The following SPNS2 variants were observed in gnomAD, a reference collection of about 807,000 sequenced individuals.
The protein encoded by SPNS2 is sphingosine-1-phosphate transporter SPNS2.
In SPNS2, 37 loss-of-function variants were observed where a neutral mutation model predicts 57.6. The ratio of observed to expected loss-of-function variants is 0.64; its 90% confidence interval spans 0.49 to 0.85. SPNS2 has a LOEUF of 0.85. Among genes scored for constraint, SPNS2 ranks in the 40% least tolerant of loss-of-function variants. The pLI is 0.00. For synonymous variants in SPNS2, 440 were observed against 346.9 expected, an observed-to-expected ratio of 1.27 and a Z score of -2.98; for missense variants, 831 against 779.1, an observed-to-expected ratio of 1.07 and a Z score of -0.79.
At position 4,536,435 on chromosome 17, in the gene SPNS2, GGGGGAGGGGAGGCCCTGCTGCACCGCC is replaced by G; in HGVS notation, c.1607+13_1607+39del. ...GCCAGGGCTGAGCAGCAGTGAGTGG[GGGGGAGGGGAGGCCCTGCTGCACCGCC>G]GGGAAGCAGGGACCGTGATAGCCAC... On this transcript the variant is annotated intron_variant, in intron 11 of 12. Coordinates refer to ENST00000329078, the MANE Select transcript of SPNS2 (RefSeq NM_001124758.3). 8.2e-6 allele frequency: 13 copies of G among 1,592,040 alleles called. No individual in the cohort carries two copies. Among genetic ancestry groups the G allele is most frequent in the Non-Finnish European group, 1.1e-5 (13 of 1,174,954 alleles).
chr17:4,537,012 AG>A, intron 12 of SPNS2, 66 bp downstream of exon 12: 3 of 1,563,700 alleles, frequency 1.9e-6, no homozygotes, highest in Non-Finnish European at 2.6e-6. Context: ...GTTAGGCAAC[AG>A]GGAGCACTTT....
At chr17:4,536,981 T>G in intron 12 of SPNS2, 35 bp downstream of exon 12, 1 of 1,609,270 alleles carries the variant, frequency 6.2e-7, no homozygotes, top group Non-Finnish European at 8.5e-7. Context: ...GGGGGCTCCC[T>G]AAGGAAAGGG....
At chr17:4,524,933 C>T in intron 2 of SPNS2, 124 bp from the exon 3 acceptor site, 2 of 1,412,480 alleles carry the variant, frequency 1.4e-6, no homozygotes, top group South Asian at 2.8e-5. Context: ...CCGAGGTTTC[C>T]TCTCTGGGCT....
intron 3 of SPNS2, among the ~76,000 whole-genome samples, chr17:4,528,251 GACCTCAGGTGATCCTACCGCCTCA>G (rs1255353832): frequency 6.6e-6 from 1 of 152,076 alleles, no homozygotes; most frequent in Non-Finnish European, 1.5e-5. Context: ...TGGAACTCCT[GACCTCAGGTGATCCTACCGCCTCA>G]GCCTCCTAAA....
At chr17:4,529,291 G>A (rs939816070) in intron 3 of SPNS2, among the ~76,000 whole-genome samples, 22 of 151,488 alleles carry the variant, frequency 1.5e-4, no homozygotes, top group Admixed American at 3.3e-4. Context: ...TGTTACCCAG[G>A]CTGGTCTCGA....
intron 2 of SPNS2, among the ~76,000 whole-genome samples, chr17:4,520,887 A>T (rs1193339997): frequency 6.6e-6 from 1 of 152,214 alleles, no homozygotes; most frequent in African/African-American, 2.4e-5. Flanking sequence ...TCAAGGCTGC[A>T]TGCTGGGCCT....
rs1904369612 is a variant in SPNS2, at chr17:4,499,110, G to C, written c.63G>C (p.Ala21=). The C allele has an allele frequency of 1.0e-5, 11 of 1,095,880 alleles. No individual in the cohort carries two copies. The highest frequency in any genetic ancestry group is 1.2e-5 in the Non-Finnish European group (11 of 901,832). The allele number at this position is 1,095,880 out of a possible 1,614,324, so 67.9% of individuals were successfully genotyped here. ...AGGAEEEEAD[A]ERRRRRRGAQ... ...GCGCGGAGGAGGAGGAGGCGGACGC[G>C]GAGCGGCGGCGCCGGCGCCGGGGGG... The change falls in exon 1 of 13, where the codon GCG becomes GCC. Residue 21 remains alanine, a synonymous_variant. Coordinates refer to ENST00000329078, the MANE Select transcript of SPNS2 (RefSeq NM_001124758.3). The surrounding 1 kb of genome is among the most constrained non-coding windows in gnomAD (Gnocchi z 5.2).
intron 2 of SPNS2, among the ~76,000 whole-genome samples, chr17:4,519,617 C>T (rs569571134): frequency 5.0e-3 from 3 of 598 alleles, no homozygotes; most frequent in Admixed American, 0.013. Context: ...ACACCCTCCA[C>T]AGGATGTCCC....
rs748036482 is a variant in SPNS2, at chr17:4,533,426, A to G, written c.1272A>G (p.Gly424=). 45 of 1,598,656 alleles carry G rather than the reference A, an allele frequency of 2.8e-5. No individual in the cohort carries two copies. In the South Asian group the frequency reaches 5.0e-4, roughly 18 times the overall value. ...IFVAAKSSIV[G]AYICIFVGET... Reference sequence around the variant, plus strand: ...TGGCTGCCAAGAGCAGCATCGTAGGAGCCTATGTGAGTGCAGCGGGGGTCA... The same window carrying G: ...TGGCTGCCAAGAGCAGCATCGTAGGGGCCTATGTGAGTGCAGCGGGGGTCA... The change falls in exon 8 of 13, where the codon GGA becomes GGG. Residue 424 remains glycine, a synonymous_variant. Transcript: ENST00000329078.
intron 1 of SPNS2, among the ~76,000 whole-genome samples, chr17:4,507,856 C>T (rs557145053): frequency 6.6e-6 from 1 of 152,364 alleles, no homozygotes; most frequent in Admixed American, 6.5e-5. Context: ...GCATTTGAGG[C>T]TGGCCTGAGC....
chr17:4,535,249 TGGG>T (rs932697273), intron 9 of SPNS2, among the ~76,000 whole-genome samples: 40 of 152,156 alleles, frequency 2.6e-4, no homozygotes, highest in African/African-American at 9.1e-4. Context: ...CTTGGTCTGA[TGGG>T]GGTCTGGGGC....
At position 4,536,690 on chromosome 17, in the gene SPNS2, CTCT is replaced by C. The variant is rs1332628162; in HGVS notation, c.1608-208_1608-206del. 6.3e-6 allele frequency: 4 copies of C among 633,288 alleles called. No homozygotes were observed. In the East Asian group the frequency reaches 1.1e-4, roughly 17 times the overall value. 39.2% of individuals were successfully genotyped at this position (633,288 alleles called of 1,614,324 possible). On this transcript the variant is annotated intron_variant, in intron 11 of 12. Coordinates refer to ENST00000329078, the MANE Select transcript of SPNS2 (RefSeq NM_001124758.3). ...TTCAAAGCTGGGGCCCCTCCCCTTC[CTCT>C]TACTTTCTGACTTCTTTCTCCTTTC...
intron 2 of SPNS2, among the ~76,000 whole-genome samples, chr17:4,524,721 A>G (rs1325545374): frequency 2.6e-5 from 4 of 152,182 alleles, no homozygotes; most frequent in African/African-American, 9.7e-5. Context: ...GATATGTGAG[A>G]TATGACATGG....
intron 1 of SPNS2, among the ~76,000 whole-genome samples, chr17:4,504,236 GA>G (rs1465321601): frequency 2.6e-5 from 4 of 152,350 alleles, no homozygotes; most frequent in African/African-American, 9.6e-5. Flanking sequence ...GCTGAGGTGT[GA>G]GGGGCAGGGC....
intron 1 of SPNS2, among the ~76,000 whole-genome samples, chr17:4,509,052 G>A (rs987199012): frequency 1.3e-5 from 2 of 152,216 alleles, no homozygotes; most frequent in Non-Finnish European, 2.9e-5. Context: ...AATCACCGGG[G>A]CCCATTCATG....
chr17:4,525,816 A>T lies in SPNS2; in HGVS notation c.573+623A>T, dbSNP rs527312080. ...CCCAACTCGAAGGTTTCCCTTGAGAAGTAGCTGAGCTGTGAAGGTCCAGAC... is the reference window on the plus strand; with the variant it reads ...CCCAACTCGAAGGTTTCCCTTGAGATGTAGCTGAGCTGTGAAGGTCCAGAC... On this transcript the variant is annotated intron_variant, in intron 3 of 12. Coordinates refer to ENST00000329078, the MANE Select transcript of SPNS2 (RefSeq NM_001124758.3). Among the ~76,000 whole-genome samples, 12 of 152,316 alleles carry T rather than the reference A, an allele frequency of 7.9e-5. No homozygotes were observed. The East Asian group carries it at 2.3e-3, about 29-fold the overall frequency.
At chr17:4,524,646 G>A (rs137877526) in intron 2 of SPNS2, among the ~76,000 whole-genome samples, 9 of 152,216 alleles carry the variant, frequency 5.9e-5, no homozygotes, top group African/African-American at 1.4e-4. Flanking sequence ...AGTGTGCCAC[G>A]GCACTCCAGC....
intron 9 of SPNS2, among the ~76,000 whole-genome samples, chr17:4,534,905 C>T (rs999615559): frequency 1.3e-5 from 2 of 152,138 alleles, no homozygotes; most frequent in Non-Finnish European, 2.9e-5. Context: ...CAGCTGCCGG[C>T]AGGGTCAGGG....
rs1905577678 is a variant in SPNS2 at position 4,533,147 on chromosome 17, G to T, written c.1088+18G>T. 1.3e-6 allele frequency: 2 copies of T among 1,594,324 alleles called. No individual in the cohort carries two copies. The highest frequency in any genetic ancestry group is 1.7e-6 in the Non-Finnish European group (2 of 1,168,394). ...AAGGACAGGTGGGGCCCCGCGGGGTGGGCCCAGGGCTGGTGAGGGACCTCG... is the reference window on the plus strand; with the variant it reads ...AAGGACAGGTGGGGCCCCGCGGGGTTGGCCCAGGGCTGGTGAGGGACCTCG... On this transcript the variant is annotated intron_variant, in intron 7 of 12. Coordinates refer to ENST00000329078, the MANE Select transcript of SPNS2 (RefSeq NM_001124758.3).
Sources: allele counts gnomAD v4.1 joint callset (sites outside exome capture counted in the v4.1 genomes callset), GRCh38; gene constraint gnomAD v4.1.1; non-coding constraint Gnocchi (gnomAD v3.1); transcripts MANE v1.5; gene names NCBI Gene and HGNC (gene_info 2026-07-23, HGNC 2026-07-21).